The following TMEM220 variants were observed in gnomAD, a reference collection of about 807,000 sequenced individuals.
TMEM220 encodes the protein transmembrane protein 220.
TMEM220 carries 21 observed loss-of-function variants against 21.7 expected under a neutral mutation model. The ratio of observed to expected loss-of-function variants is 0.97; its 90% CI spans 0.69 to 1.39. The LOEUF (loss-of-function observed/expected upper bound fraction) is 1.39. Among genes scored for constraint, TMEM220 ranks in the 40% most tolerant of loss-of-function variants. The probability of loss-of-function intolerance (pLI) is 0.00; values close to 1 mark genes in which losing one functional copy is unlikely to be tolerated. For missense variants in TMEM220, 191 were observed against 201.9 expected (o/e 0.95, Z 0.33); for synonymous variants, 80 against 73.6 (o/e 1.09, Z -0.45).
At chr17:10,712,268 A>T (rs1267928080), downstream of TMEM220, among the ~76,000 whole-genome samples, 1 of 152,180 alleles carries the variant, frequency 6.6e-6, no homozygotes, top group East Asian at 1.9e-4. Flanking sequence ...CTGTCGTATC[A>T]TATTCTCTGC....
At chr17:10,716,175 G>T in intron 5 of TMEM220, 1 of 896,106 alleles carries the variant, frequency 1.1e-6, no homozygotes, top group Non-Finnish European at 1.8e-6. Flanking sequence ...CTGGATCCTT[G>T]GATTGACTGA....
chr17:10,728,788 T>A (rs1192017765), intron 2 of TMEM220, among the ~76,000 whole-genome samples: 1 of 152,178 alleles, frequency 6.6e-6, no homozygotes, highest in East Asian at 1.9e-4. Context: ...AGTTGGGCCA[T>A]CTAACCAAAG....
chr17:10,727,193 T>TGGG (rs113399386), intron 2 of TMEM220, among the ~76,000 whole-genome samples: 3 of 151,376 alleles, frequency 2.0e-5, no homozygotes, highest in African/African-American at 7.3e-5. Flanking sequence ...TTTTTGGAGA[T>TGGG]GGGGGGGGTC....
chr17:10,729,020 C>T lies in TMEM220; in HGVS notation c.102+11G>A, dbSNP rs1346727028. On this transcript the variant is annotated intron_variant, in intron 2 of 5. Transcript: ENST00000341871. The stretch of plus-strand genomic sequence containing the variant: ...CAAACGGAGGAAAGCCTGGAAGCGG[C>T]TCATACTCACCACCCACACCTCTGC... 5 of 1,614,046 alleles carry T rather than the reference C, an allele frequency of 3.1e-6. No individual in the cohort carries two copies. The highest frequency in any genetic ancestry group is 4.2e-6 in the Non-Finnish European group (5 of 1,180,010).
downstream of TMEM220, among the ~76,000 whole-genome samples, chr17:10,712,843 AATG>A (rs1485645256): frequency 7.9e-5 from 12 of 152,208 alleles, no homozygotes; most frequent in African/African-American, 2.7e-4. Flanking sequence ...GAGAGCCTTG[AATG>A]ATGAGCCAAG....
intron 4 of TMEM220, 144 bp downstream of exon 4, chr17:10,724,867 A>C: frequency 8.8e-7 from 1 of 1,130,430 alleles, no homozygotes; most frequent in Non-Finnish European, 1.3e-6. Context: ...TCATCAGGTT[A>C]TAAAGAAGAT....
chr17:10,717,304 C>T (rs1263509624), intron 5 of TMEM220, among the ~76,000 whole-genome samples: 1 of 152,226 alleles, frequency 6.6e-6, no homozygotes, highest in Non-Finnish European at 1.5e-5. Flanking sequence ...ACCATTAAGT[C>T]TCAGGCTTCA....
intron 5 of TMEM220, among the ~76,000 whole-genome samples, chr17:10,721,604 CA>C (rs1194075248): frequency 2.0e-3 from 70 of 35,822 alleles, no homozygotes; most frequent in Middle Eastern, 0.016. Context: ...GACTCTGTCT[CA>C]AAAAAAAAAA....
chr17:10,715,606 T>G lies in TMEM220; in HGVS notation c.348-18A>C, dbSNP rs771923349. 1 of 1,544,606 alleles carries G rather than the reference T, an allele frequency of 6.5e-7. No individual in the cohort carries two copies. The highest frequency in any genetic ancestry group is 8.7e-7 in the Non-Finnish European group (1 of 1,154,152). On this transcript the variant is annotated intron_variant, in intron 5 of 5. Coordinates refer to ENST00000341871, the MANE Select transcript of TMEM220 (RefSeq NM_001004313.3). Reference sequence around the variant, plus strand: ...CTGGATTCCTATAAAGACACAAAAATTATTATAAATAAAAATCATGGATTG... The same window carrying G: ...CTGGATTCCTATAAAGACACAAAAAGTATTATAAATAAAAATCATGGATTG...
At chr17:10,719,316 TC>T (rs1197661053) in intron 5 of TMEM220, among the ~76,000 whole-genome samples, 3 of 152,142 alleles carry the variant, frequency 2.0e-5, no homozygotes, top group Non-Finnish European at 4.4e-5. Flanking sequence ...TCTCTCTGTC[TC>T]CCAGGCTGGA....
At chr17:10,729,384 G>C (rs1390500939) in intron 1 of TMEM220, among the ~76,000 whole-genome samples, 1 of 152,098 alleles carries the variant, frequency 6.6e-6, no homozygotes, top group Non-Finnish European at 1.5e-5. Context: ...TGATTATGAA[G>C]GGGGTCCCCA....
intron 5 of TMEM220, among the ~76,000 whole-genome samples, chr17:10,721,165 C>T (rs1228897180): frequency 6.6e-6 from 1 of 152,150 alleles, no homozygotes; most frequent in African/African-American, 2.4e-5. Flanking sequence ...AACATCTTGT[C>T]ATACCAGAAA....
rs544281820 is a variant in TMEM220, at chr17:10,716,213, T to C, written c.348-625A>G. ...TCAATAAGGGAACCAATTTTTGATG[T>C]TGTAAAAGAAATGTGTTCATCTCCA... On this transcript the variant is annotated intron_variant, in intron 5 of 5. Transcript: ENST00000341871. The C allele has an allele frequency of 2.0e-4, 172 of 876,062 alleles. 3 individuals are homozygous for C. In the East Asian group the frequency reaches 5.6e-3, roughly 28 times the overall value. The allele number at this position is 876,062 out of a possible 1,614,324, so 54.3% of individuals were successfully genotyped here.
intron 5 of TMEM220, among the ~76,000 whole-genome samples, chr17:10,721,128 A>G (rs957949721): frequency 5.9e-5 from 9 of 152,224 alleles, no homozygotes; most frequent in African/African-American, 2.2e-4. Flanking sequence ...GGCCTAAAAC[A>G]TGATCCTGGG....
chr17:10,722,078 C>T (rs1352236714), intron 5 of TMEM220, among the ~76,000 whole-genome samples: 1 of 151,578 alleles, frequency 6.6e-6, no homozygotes, highest in Non-Finnish European at 1.5e-5. Flanking sequence ...CTGCAACCTC[C>T]GACTCCCGGG....
At chr17:10,722,073 A>G (rs2074999990) in intron 5 of TMEM220, among the ~76,000 whole-genome samples, 1 of 150,570 alleles carries the variant, frequency 6.6e-6, no homozygotes, top group African/African-American at 2.4e-5. Flanking sequence ...GCTCACTGCA[A>G]CCTCCGACTC....
chr17:10,720,397 A>G (rs188043451), intron 5 of TMEM220, among the ~76,000 whole-genome samples: 73 of 152,350 alleles, frequency 4.8e-4, no homozygotes, highest in Middle Eastern at 6.8e-3. Context: ...TCCAGGATGT[A>G]GTAACTGGAA....
Position 10,729,940 on chromosome 17 carries a change from G to A in TMEM220, c.-89C>T. The A allele has an allele frequency of 1.6e-6, 2 of 1,234,530 alleles. No individual in the cohort carries two copies. Among genetic ancestry groups the A allele is most frequent in the Non-Finnish European group, 2.0e-6 (2 of 988,334 alleles). 76.5% of individuals were successfully genotyped at this position (1,234,530 alleles called of 1,614,324 possible). ...GTACGGTCCGCCTTCCTCCTTGCGC[G>A]GAGGGACCGAGACCCCCGCCTCGGT... On this transcript the variant is annotated 5_prime_UTR_variant, in exon 1 of 6. Coordinates refer to ENST00000341871, the MANE Select transcript of TMEM220 (RefSeq NM_001004313.3).
rs539615546 is a variant in TMEM220 at position 10,716,039 on chromosome 17, T to C, written c.348-451A>G. 1.1e-5 allele frequency: 6 copies of C among 550,710 alleles called. No homozygotes were observed. In the East Asian group the frequency reaches 2.4e-4, roughly 22 times the overall value. 34.1% of individuals were successfully genotyped at this position (550,710 alleles called of 1,614,324 possible). A position where few individuals can be genotyped will look rare whatever the true frequency, so the allele number is the denominator to read the frequency against. On this transcript the variant is annotated intron_variant, in intron 5 of 5. Transcript: ENST00000341871. ...CTTGATAATGGTAATTAAAAACTAC[T>C]CCCACCCCCCCATGTCCACATCAAT...
Sources: gnomAD v4.1 joint callset for allele counts (sites outside exome capture counted in the v4.1 genomes callset) on GRCh38, gnomAD v4.1.1 for gene constraint, MANE v1.5 for transcripts, NCBI Gene and HGNC (gene_info 2026-07-23, HGNC 2026-07-21) for gene names.